VPS13C: variants seen among roughly 807,000 people sequenced by gnomAD.
The protein encoded by VPS13C is vacuolar protein sorting 13 homolog C.
In VPS13C, 358 loss-of-function variants were observed where a neutral mutation model predicts 456.8. The observed-to-expected ratio is 0.78, with a 90% CI of 0.72 to 0.86. The LOEUF (loss-of-function observed/expected upper bound fraction) is 0.86. Ranked by LOEUF, VPS13C falls within the 40% of genes least tolerant of loss-of-function variation. The pLI is 0.00. For synonymous variants in VPS13C, 1,578 were observed against 1,486.7 expected (o/e 1.06, Z -1.41); for missense variants, 4,818 against 4,385.4 (o/e 1.10, Z -2.79).
chr15:62,020,420 G>T, intron 9 of VPS13C, 59 bp downstream of exon 9: 1 of 1,440,576 alleles, frequency 6.9e-7, no homozygotes, highest in Non-Finnish European at 9.4e-7. Context: ...AATTTACCCT[G>T]TGACTTCAGA....
intron 80 of VPS13C, 24 bp from the exon 81 acceptor site, chr15:61,868,797 G>A (rs748721512): frequency 6.4e-6 from 10 of 1,572,334 alleles, no homozygotes; most frequent in Non-Finnish European, 8.7e-6. Flanking sequence ...CAGAGTAAGT[G>A]TAAGAAAATA....
In VPS13C at chr15:61,890,356, G is replaced by C. The variant is rs754924916; in HGVS notation, c.9150C>G (p.His3050Gln). The C allele has an allele frequency of 6.2e-7, 1 of 1,614,032 alleles. No individual in the cohort carries two copies. Among genetic ancestry groups the C allele is most frequent in the Non-Finnish European group, 8.5e-7 (1 of 1,180,004 alleles). Reference sequence around the variant, plus strand: ...GGCGCCCATCCAGAAATGATACCCAGTGTATCTGGATGTTTGCATCATATG... The same window carrying C: ...GGCGCCCATCCAGAAATGATACCCACTGTATCTGGATGTTTGCATCATATG... ...QFPYDANIQIHWVSFLDGRQR... is the reference protein window; with the variant it reads ...QFPYDANIQIQWVSFLDGRQR... The change falls in exon 67 of 85, where the codon CAC becomes CAG. Residue 3050 changes from histidine (H) to glutamine (Q), a missense_variant. Physicochemically the swap from His to Gln is conservative, Grantham distance 24 (BLOSUM62 0). Transcript: ENST00000644861.
chr15:62,006,079 T>C (rs1426486271), intron 15 of VPS13C, among the ~76,000 whole-genome samples: 2 of 141,544 alleles, frequency 1.4e-5, no homozygotes, highest in Admixed American at 7.6e-5. Flanking sequence ...TTTGTTTTTG[T>C]TTTTTTTTAA....
intron 36 of VPS13C, 151 bp downstream of exon 36, chr15:61,959,297 G>T: frequency 1.5e-6 from 1 of 649,528 alleles, no homozygotes; most frequent in Non-Finnish European, 2.4e-6. Flanking sequence ...AAATTCTACT[G>T]AAAATAATAA....
At chr15:62,022,912 T>C (rs541224122) in intron 8 of VPS13C, among the ~76,000 whole-genome samples, 5 of 152,014 alleles carry the variant, frequency 3.3e-5, no homozygotes, top group South Asian at 2.1e-4. Flanking sequence ...TGAGTGAAGT[T>C]TGGTTTCTTC....
At position 62,028,425 on chromosome 15, in the gene VPS13C, A is replaced by T. The variant is rs759238647; in HGVS notation, c.386-5T>A. On this transcript the variant is annotated splice_region_variant and splice_polypyrimidine_tract_variant and intron_variant, in intron 5 of 84. Transcript: ENST00000644861. ...TGAACTCCCCTGAATGTGTGCCTGC[A>T]TCCCACATGGCAGCAATAACCAAAA... 6.2e-7 allele frequency: 1 copy of T among 1,612,884 alleles called. No individual in the cohort carries two copies. Among genetic ancestry groups the T allele is most frequent in the East Asian group, 2.2e-5 (1 of 44,838 alleles).
intron 24 of VPS13C, among the ~76,000 whole-genome samples, chr15:61,975,420 C>T (rs1037226578): frequency 6.6e-6 from 1 of 151,982 alleles, no homozygotes; most frequent in Non-Finnish European, 1.5e-5. Context: ...AAATTACTAA[C>T]ATCAGGACTA....
In VPS13C at chr15:61,867,365, C is replaced by CA. The variant is rs541717322; in HGVS notation, c.10863+1293dup. On this transcript the variant is annotated intron_variant, in intron 81 of 84. Transcript: ENST00000644861. This position sits in a 1 kb window ranked among gnomAD's most constrained non-coding sequence, Gnocchi z 5.0. ...AAAGAGGGAAGAGGAAACATATCCT[C>CA]AAAATTCATGTGCCAACTATTTATT... is the stretch of plus-strand genomic sequence containing the variant. The CA allele has an allele frequency of 7.2e-5, 71 of 985,360 alleles. 1 individual carries two copies. The African/African-American group carries it at 1.0e-3, about 14-fold the overall frequency. 61.0% of individuals were successfully genotyped at this position (985,360 alleles called of 1,614,324 possible).
chr15:61,972,574 C>G lies in VPS13C; in HGVS notation c.2757+51G>C. The G allele has an allele frequency of 1.3e-6, 2 of 1,587,900 alleles. 1 individual carries two copies. Among genetic ancestry groups the G allele is most frequent in the South Asian group, 2.2e-5 (2 of 89,232 alleles). ...TTGGGTCTAGCTTGAGGATAGCTTA[C>G]AAGATAGTGACAGCCAGAATATATC... On this transcript the variant is annotated intron_variant, in intron 27 of 84. Transcript: ENST00000644861.
chr15:61,984,584 G>T (rs1202016206), intron 19 of VPS13C, among the ~76,000 whole-genome samples: 3 of 152,000 alleles, frequency 2.0e-5, no homozygotes, highest in East Asian at 3.8e-4. Context: ...AAAACTTACT[G>T]TACTTGTCCA....
chr15:61,999,148 G>A lies in VPS13C; in HGVS notation c.1353+1416C>T, dbSNP rs564109528. Among the ~76,000 whole-genome samples the A allele has an allele frequency of 7.2e-5, 11 of 152,260 alleles. No individual in the cohort carries two copies. The South Asian group carries it at 1.7e-3, about 23-fold the overall frequency. Reference sequence around the variant, plus strand: ...AATCCCAGCACTTTGGGAGGCCAAGGCGGGTGGATCACCTGAGGTCAGGAG... The same window carrying A: ...AATCCCAGCACTTTGGGAGGCCAAGACGGGTGGATCACCTGAGGTCAGGAG... On this transcript the variant is annotated intron_variant, in intron 16 of 84. Transcript: ENST00000644861.
chr15:62,039,086 G>C (rs528030685), intron 3 of VPS13C, among the ~76,000 whole-genome samples: 1 of 152,012 alleles, frequency 6.6e-6, no homozygotes, highest in Non-Finnish European at 1.5e-5. Context: ...TCCCACTACT[G>C]AGTACCTAAA....
At chr15:61,901,934 A>T (rs2140116061) in intron 66 of VPS13C, among the ~76,000 whole-genome samples, 1 of 152,226 alleles carries the variant, frequency 6.6e-6, no homozygotes, top group South Asian at 2.1e-4. Flanking sequence ...ATGCAGCCAT[A>T]AAAAATGATG....
At chr15:62,001,374 A>T (rs1177512551) in intron 15 of VPS13C, among the ~76,000 whole-genome samples, 1 of 152,234 alleles carries the variant, frequency 6.6e-6, no homozygotes, top group Non-Finnish European at 1.5e-5. Context: ...ACTTCAGAAA[A>T]ATAGGAATTC....
intron 26 of VPS13C, 36 bp downstream of exon 26, chr15:61,973,418 T>C: frequency 1.3e-6 from 2 of 1,534,050 alleles, no homozygotes; most frequent in Non-Finnish European, 1.8e-6. Context: ...TGTATAGGCT[T>C]AATTTAATAG....
In VPS13C at chr15:61,880,766, C is replaced by G. The variant is rs1402245722; in HGVS notation, c.9889-44G>C. The G allele has an allele frequency of 3.3e-6, 5 of 1,535,950 alleles. No homozygotes were observed. The African/African-American group carries it at 7.1e-5, about 22-fold the overall frequency. On this transcript the variant is annotated intron_variant, in intron 72 of 84. Transcript: ENST00000644861. ...AGAATTTCTATTTTAATTTTTTTCT[C>G]TATTAGAATTCGTTCAAAAGAGGCT... is the stretch of plus-strand genomic sequence containing the variant.
chr15:62,007,442 T>C lies in VPS13C; in HGVS notation c.1156A>G (p.Ile386Val), dbSNP rs1436860067. Residue 386 changes from isoleucine to valine, a missense_variant, in exon 15 of 85, where the codon ATA becomes GTA. This residue lies in a region of VPS13C where 4,552 missense variants were observed against 4,130.6 expected (regional missense o/e 1.10). Transcript: ENST00000644861. Reference protein sequence around the residue: ...YAIDSVLEVHIRRYTQMWSWS... With the variant: ...YAIDSVLEVHVRRYTQMWSWS... The stretch of plus-strand genomic sequence containing the variant: ...GACCACATCTGTGTATACCTTCTTA[T>C]ATGAACTTCAAGAACAGAATCAATT... The C allele has an allele frequency of 2.5e-6, 4 of 1,600,134 alleles. No individual in the cohort carries two copies. Among genetic ancestry groups the C allele is most frequent in the Non-Finnish European group, 3.4e-6 (4 of 1,174,860 alleles).
chr15:61,944,997 G>A (rs1596364819), intron 45 of VPS13C, among the ~76,000 whole-genome samples: 1 of 152,112 alleles, frequency 6.6e-6, no homozygotes, highest in Non-Finnish European at 1.5e-5. Flanking sequence ...ACTGGTAGGA[G>A]GTGACTGGAT....
chr15:61,972,460 G>A (rs1954533223), intron 27 of VPS13C, among the ~76,000 whole-genome samples, 165 bp downstream of exon 27: 1 of 152,050 alleles, frequency 6.6e-6, no homozygotes, highest in East Asian at 1.9e-4. Flanking sequence ...GTGTGTGTGA[G>A]AGAGAAAGAG....
Sources: allele counts gnomAD v4.1 joint callset (sites outside exome capture counted in the v4.1 genomes callset), GRCh38; gene constraint gnomAD v4.1.1; regional missense constraint gnomAD v4.1.1; non-coding constraint Gnocchi (gnomAD v3.1); transcripts MANE v1.5; gene names NCBI Gene and HGNC (gene_info 2026-07-23, HGNC 2026-07-21).